Variants in F2 observed in about 807,000 individuals in gnomAD.
F2 encodes the protein coagulation factor II, thrombin.
Under a neutral mutation model 81.9 loss-of-function variants are expected in F2, and 34 were observed. The observed-to-expected ratio is 0.42, with a 90% CI of 0.32 to 0.55. F2 has a LOEUF of 0.55. Ranked by LOEUF, F2 falls within the 20% of genes least tolerant of loss-of-function variation. F2 has a pLI of 0.18. For synonymous variants in F2, 296 were observed against 326.4 expected, an observed-to-expected ratio of 0.91 and a Z score of 1.01; for missense variants, 630 against 833.4, an observed-to-expected ratio of 0.76 and a Z score of 3.00.
At position 46,719,994 on chromosome 11, in the gene F2, C is replaced by T; in HGVS notation, c.240+132C>T. 1 of 1,279,746 alleles carries T rather than the reference C, an allele frequency of 7.8e-7. No individual in the cohort carries two copies. Among genetic ancestry groups the T allele is most frequent in the Non-Finnish European group, 1.1e-6 (1 of 920,750 alleles). 79.3% of individuals were successfully genotyped at this position (1,279,746 alleles called of 1,614,324 possible). On this transcript the variant is annotated intron_variant, in intron 2 of 13. Coordinates refer to ENST00000311907, the MANE Select transcript of F2 (RefSeq NM_000506.5). This position sits in a 1 kb window ranked among gnomAD's most constrained non-coding sequence, Gnocchi z 4.7. ...AGCCTCATTTCAACTCTGAGCCCCT[C>T]CTCACAGGGCTGGCAAGAGGAGCGG... is the stretch of plus-strand genomic sequence containing the variant.
chr11:46,720,105 A>G lies in F2; in HGVS notation c.240+243A>G, dbSNP rs2064827142. 3 of 601,748 alleles carry G rather than the reference A, an allele frequency of 5.0e-6. No homozygotes were observed. In the South Asian group the frequency reaches 5.9e-5, roughly 12 times the overall value. 37.3% of individuals were successfully genotyped at this position (601,748 alleles called of 1,614,324 possible). Reference sequence around the variant, plus strand: ...GGGGAGGCCTCCACAGTCTTCAGACATCCACCTGCCCTGGAGCTCTGTGTC... The same window carrying G: ...GGGGAGGCCTCCACAGTCTTCAGACGTCCACCTGCCCTGGAGCTCTGTGTC... On this transcript the variant is annotated intron_variant, in intron 2 of 13. Coordinates refer to ENST00000311907, the MANE Select transcript of F2 (RefSeq NM_000506.5).
chr11:46,720,217 C>T, intron 2 of F2: 1 of 553,060 alleles, frequency 1.8e-6, no homozygotes, highest in Non-Finnish European at 3.2e-6. Context: ...GGGCTCAAGA[C>T]TCAGTGTTCC....
chr11:46,728,598 G>A lies in F2; in HGVS notation c.1299-66G>A. 6.3e-7 allele frequency: 1 copy of A among 1,583,434 alleles called. No individual in the cohort carries two copies. Among genetic ancestry groups the A allele is most frequent in the Non-Finnish European group, 8.7e-7 (1 of 1,154,106 alleles). Reference sequence around the variant, plus strand: ...CACTGTCTCCCAGACCCCAAGGGCAGGCAGTTTCCTGCTCCTTGCTGGGTG... The same window carrying A: ...CACTGTCTCCCAGACCCCAAGGGCAAGCAGTTTCCTGCTCCTTGCTGGGTG... On this transcript the variant is annotated intron_variant, in intron 10 of 13. Transcript: ENST00000311907. This position sits in a 1 kb window ranked among gnomAD's most constrained non-coding sequence, Gnocchi z 5.1.
chr11:46,730,793 T>C (rs1283193987), intron 12 of F2, among the ~76,000 whole-genome samples: 2 of 150,804 alleles, frequency 1.3e-5, no homozygotes, highest in African/African-American at 4.9e-5. Flanking sequence ...TTTTTATATA[T>C]ATATATGCAT....
rs2064829560 is a variant in F2 at position 46,720,505 on chromosome 11, C to A, written c.241-18C>A. The A allele has an allele frequency of 6.2e-7, 1 of 1,613,984 alleles. No individual in the cohort carries two copies. Among genetic ancestry groups the A allele is most frequent in the African/African-American group, 1.3e-5 (1 of 74,914 alleles). ...AACAGGAGCTGCCGTAGCCTCACTC[C>A]CAGCCCTTGTTTTTCAGGATGTGTT... On this transcript the variant is annotated intron_variant, in intron 2 of 13. Transcript: ENST00000311907.
chr11:46,732,818 C>G (rs1186551691), intron 12 of F2, among the ~76,000 whole-genome samples: 2 of 152,028 alleles, frequency 1.3e-5, no homozygotes, highest in African/African-American at 4.8e-5. Context: ...TCTTTGAGTA[C>G]TTTCTTTCTT....
At chr11:46,730,303 G>A (rs1342245649) in intron 12 of F2, among the ~76,000 whole-genome samples, 1 of 151,950 alleles carries the variant, frequency 6.6e-6, no homozygotes, top group Non-Finnish European at 1.5e-5. Flanking sequence ...TCCATTGATC[G>A]ATCGATCAAT....
chr11:46,720,924 G>A, intron 4 of F2, 84 bp downstream of exon 4: 1 of 1,477,018 alleles, frequency 6.8e-7, no homozygotes, highest in Non-Finnish European at 9.5e-7. Context: ...GAGTGTGGCT[G>A]GTGGAGGCCG....
intron 12 of F2, among the ~76,000 whole-genome samples, chr11:46,730,796 A>ATATATATATATATG (rs942052249): frequency 1.4e-5 from 2 of 142,200 alleles, no homozygotes; most frequent in Non-Finnish European, 3.2e-5. Context: ...TTATATATAT[A>ATATATATATATATG]TATGCATAGT....
chr11:46,737,631 G>A (rs930054473), intron 12 of F2, among the ~76,000 whole-genome samples: 1 of 150,566 alleles, frequency 6.6e-6, no homozygotes, highest in Non-Finnish European at 1.5e-5. Flanking sequence ...GTAGAGACAG[G>A]GTTTCACCGC....
At position 46,723,432 on chromosome 11, in the gene F2, G is replaced by A. The variant is rs1565702295; in HGVS notation, c.473G>A (p.Arg158His). 6.2e-7 allele frequency: 1 copy of A among 1,614,062 alleles called. No individual in the cohort carries two copies. Among genetic ancestry groups the A allele is most frequent in the Non-Finnish European group, 8.5e-7 (1 of 1,180,002 alleles). The change falls in exon 6 of 14, where the codon CGC becomes CAC. Residue 158 changes from arginine to histidine, a missense_variant. Transcript: ENST00000311907. This position sits in a 1 kb window ranked among gnomAD's most constrained non-coding sequence, Gnocchi z 5.6. ...GCCGACCTACAGGAGAATTTCTGCCGCAACCCCGACAGCAGCACCACGGGA... is the reference window on the plus strand; with the variant it reads ...GCCGACCTACAGGAGAATTTCTGCCACAACCCCGACAGCAGCACCACGGGA... ...PGADLQENFC[R>H]NPDSSTTGPW...
chr11:46,721,135 C>T (rs1357447925), intron 4 of F2, among the ~76,000 whole-genome samples: 2 of 152,082 alleles, frequency 1.3e-5, no homozygotes, highest in Non-Finnish European at 2.9e-5. Flanking sequence ...AACTCCGCCT[C>T]CCGGGTTCAA....
chr11:46,731,343 T>TGTATTTTTA (rs1332943217), intron 12 of F2, among the ~76,000 whole-genome samples: 1 of 149,694 alleles, frequency 6.7e-6, no homozygotes, highest in Non-Finnish European at 1.5e-5. Context: ...GCTAACTTTT[T>TGTATTTTTA]GTATTTTTAG....
intron 6 of F2, among the ~76,000 whole-genome samples, chr11:46,724,767 CTTT>C (rs11438724): frequency 6.8e-6 from 1 of 147,414 alleles, no homozygotes; most frequent in African/African-American, 2.5e-5. Flanking sequence ...TGGGGTTGGT[CTTT>C]TTTTTTTTTC....
Position 46,726,785 on chromosome 11 carries a change from A to G in F2, c.1078A>G (p.Ile360Val). 6.2e-7 allele frequency: 1 copy of G among 1,614,208 alleles called. No individual in the cohort carries two copies. The highest frequency in any genetic ancestry group is 2.2e-5 in the East Asian group (1 of 44,884). The change falls in exon 9 of 14, where the codon ATC becomes GTC. Residue 360 changes from isoleucine to valine, a missense_variant. Physicochemically the swap from Ile to Val is conservative, Grantham distance 29. Transcript: ENST00000311907. The surrounding 1 kb of genome is among the most constrained non-coding windows in gnomAD (Gnocchi z 5.9). ...CGAAAGAGAGCTCCTGGAATCCTAC[A>G]TCGACGGGCGCATTGTGGAGGGCTC... Reference protein sequence around the residue: ...KTERELLESYIDGRIVEGSDA... With the variant: ...KTERELLESYVDGRIVEGSDA...
chr11:46,738,691 G>A (rs975081188), intron 12 of F2, among the ~76,000 whole-genome samples: 2 of 152,278 alleles, frequency 1.3e-5, no homozygotes, highest in East Asian at 3.9e-4. Flanking sequence ...GTCTTGAACT[G>A]CTGAGCTCAA....
chr11:46,728,565 G>A lies in F2; in HGVS notation c.1299-99G>A. 1 of 1,389,960 alleles carries A rather than the reference G, an allele frequency of 7.2e-7. No individual in the cohort carries two copies. The highest frequency in any genetic ancestry group is 1.0e-6 in the Non-Finnish European group (1 of 985,498). 86.1% of individuals were successfully genotyped at this position (1,389,960 alleles called of 1,614,324 possible). A position where few individuals can be genotyped will look rare whatever the true frequency, so the allele number is the denominator to read the frequency against. ...AGCCCTATCCCCTCCCTGGTGGCCT[G>A]CAGGACACACTGTCTCCCAGACCCC... is the stretch of plus-strand genomic sequence containing the variant. On this transcript the variant is annotated intron_variant, in intron 10 of 13. Transcript: ENST00000311907. This position sits in a 1 kb window ranked among gnomAD's most constrained non-coding sequence, Gnocchi z 5.1.
chr11:46,729,474 C>T lies in F2; in HGVS notation c.1567C>T (p.Leu523=), dbSNP rs886048337. 6.2e-7 allele frequency: 1 copy of T among 1,614,150 alleles called. No individual in the cohort carries two copies. Among genetic ancestry groups the T allele is most frequent in the East Asian group, 2.2e-5 (1 of 44,876 alleles). Residue 523 remains leucine (L), a synonymous_variant, in exon 12 of 14, where the codon CTG becomes TTG. Transcript: ENST00000311907. ...ANVGKGQPSV[L]QVVNLPIVER... ...CGTTGGTAAGGGGCAGCCCAGTGTC[C>T]TGCAGGTGGTGAACCTGCCCATTGT...
rs1420367158 is a variant in F2, at chr11:46,728,575, C to T, written c.1299-89C>T. The T allele has an allele frequency of 6.8e-7, 1 of 1,469,890 alleles. No homozygotes were observed. The highest frequency in any genetic ancestry group is 1.4e-5 in the African/African-American group (1 of 72,058). The allele number at this position is 1,469,890 out of a possible 1,614,324, so 91.1% of individuals were successfully genotyped here. ...CCTCCCTGGTGGCCTGCAGGACACA[C>T]TGTCTCCCAGACCCCAAGGGCAGGC... is the stretch of plus-strand genomic sequence containing the variant. On this transcript the variant is annotated intron_variant, in intron 10 of 13. Coordinates refer to ENST00000311907, the MANE Select transcript of F2 (RefSeq NM_000506.5). This position sits in a 1 kb window ranked among gnomAD's most constrained non-coding sequence, Gnocchi z 5.1.
Sources: gnomAD v4.1 joint callset for allele counts (sites outside exome capture counted in the v4.1 genomes callset) on GRCh38, gnomAD v4.1.1 for gene constraint, Gnocchi (gnomAD v3.1) non-coding constraint, MANE v1.5 for transcripts, NCBI Gene and HGNC (gene_info 2026-07-23, HGNC 2026-07-21) for gene names.